Variants in FRMD4A observed in about 807,000 individuals in gnomAD.
FRMD4A encodes the protein FERM domain-containing protein 4A.
Under a neutral mutation model 129.1 loss-of-function variants are expected in FRMD4A, and 29 were observed. The ratio of observed to expected loss-of-function variants is 0.22; its 90% CI spans 0.17 to 0.31. The LOEUF (loss-of-function observed/expected upper bound fraction) is 0.31, where lower values mean the gene tolerates loss of function less well. Among genes scored for constraint, FRMD4A ranks in the 10% least tolerant of loss-of-function variants. The probability of loss-of-function intolerance (pLI) is 1.00; values close to 1 mark genes in which losing one functional copy is unlikely to be tolerated. For missense variants in FRMD4A, 1,272 were observed against 1,375.8 expected (o/e 0.92, Z 1.19); for synonymous variants, 634 against 571.6 (o/e 1.11, Z -1.56).
chr10:13,660,423 G>C lies in FRMD4A; in HGVS notation c.1791C>G (p.His597Gln). The C allele has an allele frequency of 1.2e-6, 2 of 1,614,090 alleles. No homozygotes were observed. Among genetic ancestry groups the C allele is most frequent in the Non-Finnish European group, 1.7e-6 (2 of 1,179,900 alleles). ...SLEGLRQMHY[H>Q]RNDYDKSPIK... ...TGGGTGACTTGTCATAGTCGTTGCGGTGATAGTGCATCTGTCGGAGTCCCT... is the reference window on the plus strand; with the variant it reads ...TGGGTGACTTGTCATAGTCGTTGCGCTGATAGTGCATCTGTCGGAGTCCCT... Residue 597 changes from histidine to glutamine, a missense_variant, in exon 20 of 25, where the codon CAC (histidine) becomes CAG (glutamine). Transcript: ENST00000357447.
intron 2 of FRMD4A, among the ~76,000 whole-genome samples, chr10:14,143,191 G>A (rs571483914): frequency 6.6e-6 from 1 of 152,324 alleles, no homozygotes; most frequent in East Asian, 1.9e-4. Flanking sequence ...GTCCATCATT[G>A]CAGCATTATT....
chr10:13,714,040 A>ATAATATATATATATATAAAATATATATTT (rs2088482088), intron 12 of FRMD4A, among the ~76,000 whole-genome samples: 3 of 37,114 alleles, frequency 8.1e-5, no homozygotes, highest in East Asian at 2.6e-3. Context: ...ATATATATAT[A>ATAATATATATATATATAAAATATATATTT]TATATATATA....
intron 2 of FRMD4A, among the ~76,000 whole-genome samples, chr10:14,278,932 C>T (rs902139233): frequency 2.0e-5 from 3 of 152,144 alleles, no homozygotes; most frequent in Non-Finnish European, 4.4e-5. Context: ...CACAGCGGCA[C>T]GGTTGTAACT....
In FRMD4A at chr10:14,047,783, A is replaced by G. The variant is rs1172354701; in HGVS notation, c.46-188871T>C. Among the ~76,000 whole-genome samples, 11 of 152,350 alleles carry G rather than the reference A, an allele frequency of 7.2e-5. No homozygotes were observed. In the South Asian group the frequency reaches 1.0e-3, roughly 14 times the overall value. ...TGGAACCCTTTGGGGTTTTAACCCC[A>G]GTGAGTGGCAAAGCGGTGACTTGGA... is the stretch of plus-strand genomic sequence containing the variant. On this transcript the variant is annotated intron_variant, in intron 2 of 24. Transcript: ENST00000357447.
At chr10:13,807,870 C>T (rs2093382194) in intron 4 of FRMD4A, among the ~76,000 whole-genome samples, 1 of 149,700 alleles carries the variant, frequency 6.7e-6, no homozygotes, top group Non-Finnish European at 1.5e-5. Context: ...ACACTCTCGG[C>T]TCACTGCAAA....
intron 2 of FRMD4A, among the ~76,000 whole-genome samples, chr10:13,969,117 C>A (rs534926226): frequency 6.6e-6 from 1 of 152,334 alleles, no homozygotes; most frequent in East Asian, 1.9e-4. Context: ...TTGCTCTGGG[C>A]CGCCTCTTCT....
intron 14 of FRMD4A, among the ~76,000 whole-genome samples, chr10:13,700,001 G>C (rs1307935860): frequency 6.6e-6 from 1 of 152,100 alleles, no homozygotes; most frequent in South Asian, 2.1e-4. Flanking sequence ...AGAAAGTAGA[G>C]GACAAGATAT....
intron 2 of FRMD4A, among the ~76,000 whole-genome samples, chr10:14,118,464 C>T (rs1246981812): frequency 6.6e-6 from 1 of 152,204 alleles, no homozygotes; most frequent in East Asian, 1.9e-4. Context: ...GACTTACAAA[C>T]TTTTGTTTTC....
chr10:14,123,556 G>T (rs567082145), intron 2 of FRMD4A, among the ~76,000 whole-genome samples: 1 of 152,178 alleles, frequency 6.6e-6, no homozygotes, highest in African/African-American at 2.4e-5. Flanking sequence ...ACTTAATTGG[G>T]CAGTCCCCCA....
At position 13,803,416 on chromosome 10, in the gene FRMD4A, T is replaced by A. The variant is rs577716898; in HGVS notation, c.207-6828A>T. Among the ~76,000 whole-genome samples, 44 of 152,314 alleles carry A rather than the reference T, an allele frequency of 2.9e-4. No homozygotes were observed. In the South Asian group the frequency reaches 8.7e-3, roughly 30 times the overall value. On this transcript the variant is annotated intron_variant, in intron 4 of 24. Coordinates refer to ENST00000357447, the MANE Select transcript of FRMD4A (RefSeq NM_018027.5). ...GTGCAGTCATAGCTCGCTGCAGCCT[T>A]GAACCCCTGGGCTCAAGTGATCTTC...
chr10:14,039,995 C>A (rs1833715389), intron 2 of FRMD4A, among the ~76,000 whole-genome samples: 2 of 152,140 alleles, frequency 1.3e-5, no homozygotes, highest in African/African-American at 4.8e-5. Flanking sequence ...CTAATCTTTG[C>A]TTTGTGCTAG....
intron 6 of FRMD4A, among the ~76,000 whole-genome samples, chr10:13,779,974 T>C (rs1342408281): frequency 6.6e-6 from 1 of 152,174 alleles, no homozygotes; most frequent in Non-Finnish European, 1.5e-5. Flanking sequence ...GAGACATTCA[T>C]TGCATTCGTT....
intron 2 of FRMD4A, among the ~76,000 whole-genome samples, chr10:14,138,913 T>C (rs1171884924): frequency 6.6e-6 from 1 of 152,186 alleles, no homozygotes; most frequent in African/African-American, 2.4e-5. Flanking sequence ...GCCATTGTCC[T>C]TGAGCCCTGT....
chr10:13,651,837 G>A, intron 24 of FRMD4A, 66 bp downstream of exon 24: 1 of 823,144 alleles, frequency 1.2e-6, no homozygotes, highest in Non-Finnish European at 2.2e-6. Context: ...TGATGACATG[G>A]ACAAAAGCAA....
intron 2 of FRMD4A, among the ~76,000 whole-genome samples, chr10:13,901,936 A>G (rs1299226811): frequency 1.3e-5 from 2 of 152,204 alleles, no homozygotes; most frequent in Non-Finnish European, 2.9e-5. Flanking sequence ...TAATCTGTTA[A>G]TAAATAATAA....
rs1447201867 is a variant in FRMD4A, at chr10:14,313,703, G to A, written c.45+16355C>T. ...ATGTTTGTATGAACAATTCTTTCAC[G>A]TAGATCACTTTCATGGAATGATGAC... is the stretch of plus-strand genomic sequence containing the variant. On this transcript the variant is annotated intron_variant, in intron 2 of 24. Transcript: ENST00000357447. Among the ~76,000 whole-genome samples, 5 of 152,160 alleles carry A rather than the reference G, an allele frequency of 3.3e-5. No homozygotes were observed. The East Asian group carries it at 5.8e-4, about 18-fold the overall frequency.
At chr10:14,116,554 A>T (rs1175641465) in intron 2 of FRMD4A, among the ~76,000 whole-genome samples, 1 of 152,214 alleles carries the variant, frequency 6.6e-6, no homozygotes, top group East Asian at 1.9e-4. Flanking sequence ...TGAGATGGCC[A>T]TAGGGGTGGA....
chr10:13,890,924 A>G, intron 2 of FRMD4A: 1 of 919,442 alleles, frequency 1.1e-6, no homozygotes, highest in Non-Finnish European at 1.3e-6. Flanking sequence ...TACTCTGCTA[A>G]CAGGGTACTG....
chr10:13,836,150 A>G (rs2093870994), intron 3 of FRMD4A, among the ~76,000 whole-genome samples: 1 of 152,194 alleles, frequency 6.6e-6, no homozygotes, highest in Non-Finnish European at 1.5e-5. Flanking sequence ...CGTGTGAGCT[A>G]CCACACCTGG....
Sources: gnomAD v4.1 joint callset for allele counts (sites outside exome capture counted in the v4.1 genomes callset) on GRCh38, gnomAD v4.1.1 for gene constraint, MANE v1.5 for transcripts, NCBI Gene and HGNC (gene_info 2026-07-23, HGNC 2026-07-21) for gene names.